The following WASL variants were observed in gnomAD, a reference collection of about 807,000 sequenced individuals.
WASL encodes actin nucleation-promoting factor WASL.
WASL carries 20 observed loss-of-function variants against 55.5 expected under a neutral mutation model. The ratio of observed to expected loss-of-function variants is 0.36; its 90% CI spans 0.25 to 0.52. WASL has a LOEUF of 0.52. WASL is among the 20% of genes least tolerant of loss of function. The pLI is 0.92. For synonymous variants in WASL, 249 were observed against 217.6 expected, an observed-to-expected ratio of 1.14 and a Z score of -1.27; for missense variants, 504 against 622.5, an observed-to-expected ratio of 0.81 and a Z score of 2.03.
chr7:123,726,103 G>GA (rs915395324), intron 1 of WASL, among the ~76,000 whole-genome samples: 2 of 152,038 alleles, frequency 1.3e-5, no homozygotes, highest in African/African-American at 4.8e-5. Flanking sequence ...ATATGAATGT[G>GA]AAAAATCATT....
At chr7:123,707,510 C>T (rs1205930844) in intron 2 of WASL, among the ~76,000 whole-genome samples, 2 of 151,942 alleles carry the variant, frequency 1.3e-5, no homozygotes, top group African/African-American at 4.8e-5. Context: ...ATCTTAATAC[C>T]AAAGGTGACG....
intron 6 of WASL, among the ~76,000 whole-genome samples, chr7:123,696,227 G>C (rs1383195784): frequency 6.6e-6 from 1 of 151,852 alleles, no homozygotes; most frequent in East Asian, 1.9e-4. Flanking sequence ...AAATACCAAA[G>C]GTTTTTACTG....
intron 1 of WASL, among the ~76,000 whole-genome samples, chr7:123,747,393 T>C (rs567139028): frequency 1.8e-4 from 27 of 152,162 alleles, no homozygotes; most frequent in Non-Finnish European, 3.5e-4. Context: ...TTCCGAAATA[T>C]GAAACACATC....
chr7:123,709,830 AGT>A (rs1421223354), intron 1 of WASL, among the ~76,000 whole-genome samples: 2 of 152,210 alleles, frequency 1.3e-5, no homozygotes, highest in Non-Finnish European at 2.9e-5. Context: ...TCCTTTCTAA[AGT>A]GAGTTTAAGA....
chr7:123,705,316 C>T (rs1803652373), intron 4 of WASL, among the ~76,000 whole-genome samples: 1 of 152,076 alleles, frequency 6.6e-6, no homozygotes, highest in Non-Finnish European at 1.5e-5. Context: ...TTTACTGAAA[C>T]AAGGAAGATT....
chr7:123,737,052 A>C (rs189763272), intron 1 of WASL, among the ~76,000 whole-genome samples: 1 of 152,224 alleles, frequency 6.6e-6, no homozygotes, highest in African/African-American at 2.4e-5. Flanking sequence ...TCTAAGACTT[A>C]GGGCTGTCTA....
At chr7:123,721,436 T>C (rs1803940961) in intron 1 of WASL, among the ~76,000 whole-genome samples, 1 of 152,108 alleles carries the variant, frequency 6.6e-6, no homozygotes, top group Non-Finnish European at 1.5e-5. Context: ...TTGTAACAAG[T>C]AACAGTTTAA....
At chr7:123,720,648 G>C (rs997704369) in intron 1 of WASL, among the ~76,000 whole-genome samples, 1 of 150,096 alleles carries the variant, frequency 6.7e-6, no homozygotes, top group Non-Finnish European at 1.5e-5. Context: ...TCACACTGTG[G>C]GATTTTTTTT....
chr7:123,745,318 T>C (rs963218404), intron 1 of WASL, among the ~76,000 whole-genome samples: 1 of 152,174 alleles, frequency 6.6e-6, no homozygotes, highest in Non-Finnish European at 1.5e-5. Context: ...CCACCTTCTA[T>C]ACTGCCTCCA....
chr7:123,705,324 A>G (rs1392179482), intron 4 of WASL, among the ~76,000 whole-genome samples: 1 of 152,200 alleles, frequency 6.6e-6, no homozygotes, highest in East Asian at 1.9e-4. Flanking sequence ...AACAAGGAAG[A>G]TTAGTAGAAG....
At chr7:123,700,480 G>A (rs944939138) in intron 5 of WASL, among the ~76,000 whole-genome samples, 4 of 148,912 alleles carry the variant, frequency 2.7e-5, no homozygotes, top group African/African-American at 9.9e-5. Flanking sequence ...TCACTCTCTC[G>A]CCCAGGCTGG....
At chr7:123,746,370 G>A (rs992544603) in intron 1 of WASL, among the ~76,000 whole-genome samples, 1 of 152,200 alleles carries the variant, frequency 6.6e-6, no homozygotes, top group Non-Finnish European at 1.5e-5. Flanking sequence ...AGAGCTCTGA[G>A]TACTGAGTAT....
Position 123,696,674 on chromosome 7 carries a change from T to C in WASL, c.534A>G (p.Gln178=). ...EITTNRFYGP[Q]VNNISHTKEK... ...CTTTGGTATGGGAGATGTTGTTGAC[T>C]TGTGGACCATAAAATCTATTTGTTG... Residue 178 remains glutamine, a synonymous_variant, in exon 6 of 11, where the codon CAA becomes CAG. Coordinates refer to ENST00000223023, the MANE Select transcript of WASL (RefSeq NM_003941.4). 2 of 1,606,024 alleles carry C rather than the reference T, an allele frequency of 1.2e-6. No individual in the cohort carries two copies. The highest frequency in any genetic ancestry group is 1.7e-6 in the Non-Finnish European group (2 of 1,175,922).
intron 1 of WASL, among the ~76,000 whole-genome samples, chr7:123,719,982 AAT>A (rs1803913091): frequency 3.9e-5 from 6 of 152,136 alleles, no homozygotes; most frequent in African/African-American, 1.4e-4. Flanking sequence ...ACTGTATTAT[AAT>A]CTGTTCACTT....
chr7:123,746,957 T>C (rs1449759814), intron 1 of WASL, among the ~76,000 whole-genome samples: 4 of 152,222 alleles, frequency 2.6e-5, no homozygotes, highest in African/African-American at 4.8e-5. Flanking sequence ...ATTTTTTTCA[T>C]TGGAGGTAAC....
chr7:123,734,801 T>C (rs1056362549), intron 1 of WASL, among the ~76,000 whole-genome samples: 4 of 152,098 alleles, frequency 2.6e-5, no homozygotes, highest in South Asian at 2.1e-4. Context: ...CTATGAACTT[T>C]AGTTAATAAT....
At chr7:123,685,850 A>T (rs1228435230) in intron 10 of WASL, among the ~76,000 whole-genome samples, 1 of 146,942 alleles carries the variant, frequency 6.8e-6, no homozygotes, top group Non-Finnish European at 1.5e-5. Flanking sequence ...ATATATAAAT[A>T]CATATACCTA....
chr7:123,729,257 A>T (rs917607662), intron 1 of WASL, among the ~76,000 whole-genome samples: 1 of 150,982 alleles, frequency 6.6e-6, no homozygotes, highest in Non-Finnish European at 1.5e-5. Context: ...AATAGTTTAC[A>T]TTTTTTTTTG....
At chr7:123,739,914 GTATA>G (rs201098513) in intron 1 of WASL, among the ~76,000 whole-genome samples, 4,140 of 32,960 alleles carry the variant, frequency 0.13, 122 homozygotes, top group Admixed American at 0.28. Flanking sequence ...GTGTGTGTGT[GTATA>G]TATATATATA....
Sources: allele counts gnomAD v4.1 joint callset (sites outside exome capture counted in the v4.1 genomes callset), GRCh38; gene constraint gnomAD v4.1.1; transcripts MANE v1.5; gene names NCBI Gene and HGNC (gene_info 2026-07-23, HGNC 2026-07-21).